ATRNL1: variants seen among roughly 807,000 people sequenced by gnomAD.
ATRNL1 encodes the protein attractin like 1.
A neutral mutation model predicts 182.7 loss-of-function variants in ATRNL1; 95 were observed. That is an observed-to-expected ratio of 0.52 (90% CI 0.44 to 0.62). ATRNL1 has a LOEUF of 0.62. ATRNL1 is among the 20% of genes least tolerant of loss of function. The pLI is 0.00. For synonymous variants in ATRNL1, 576 were observed against 568.3 expected (o/e 1.01, Z -0.19); for missense variants, 1,471 against 1,679.5 (o/e 0.88, Z 2.17).
intron 26 of ATRNL1, among the ~76,000 whole-genome samples, chr10:115,558,197 A>G (rs1258382392): frequency 6.6e-6 from 1 of 152,182 alleles, no homozygotes; most frequent in African/African-American, 2.4e-5. Flanking sequence ...CAAAGTATTG[A>G]ACAAAATGCA....
chr10:115,481,902 T>C (rs1359106504), intron 24 of ATRNL1, among the ~76,000 whole-genome samples: 1 of 150,972 alleles, frequency 6.6e-6, no homozygotes, highest in Non-Finnish European at 1.5e-5. Context: ...GTTAAGAACT[T>C]CTACTTCAGA....
chr10:115,737,974 A>G (rs1402156190), intron 27 of ATRNL1, among the ~76,000 whole-genome samples: 1 of 151,968 alleles, frequency 6.6e-6, no homozygotes, highest in African/African-American at 2.4e-5. Context: ...CAGAGTTTCT[A>G]TAGGACCCAA....
At chr10:115,770,852 A>G (rs1423701393) in intron 27 of ATRNL1, among the ~76,000 whole-genome samples, 2 of 152,196 alleles carry the variant, frequency 1.3e-5, no homozygotes, top group African/African-American at 4.8e-5. Flanking sequence ...AGATTTTCTC[A>G]TTATACCTAC....
intron 26 of ATRNL1, among the ~76,000 whole-genome samples, chr10:115,560,656 G>A (rs1853647955): frequency 6.6e-6 from 1 of 151,530 alleles, no homozygotes; most frequent in Admixed American, 6.6e-5. Context: ...TGTAGAAATT[G>A]ACAAGTAGAT....
At chr10:115,577,357 A>G (rs1854779103) in intron 26 of ATRNL1, among the ~76,000 whole-genome samples, 1 of 151,880 alleles carries the variant, frequency 6.6e-6, no homozygotes, top group South Asian at 2.1e-4. Flanking sequence ...CAATCCATTA[A>G]CACAGAACTT....
intron 26 of ATRNL1, among the ~76,000 whole-genome samples, chr10:115,587,764 CG>C (rs1855644610): frequency 6.6e-6 from 1 of 152,116 alleles, no homozygotes; most frequent in Admixed American, 6.5e-5. Flanking sequence ...TGTTCCTATT[CG>C]GCCATCTTGG....
At chr10:115,158,757 C>G (rs942168148) in intron 5 of ATRNL1, among the ~76,000 whole-genome samples, 2 of 151,804 alleles carry the variant, frequency 1.3e-5, no homozygotes, top group Non-Finnish European at 2.9e-5. Flanking sequence ...CAATCTAAAA[C>G]TTTTTGATAT....
chr10:115,146,841 A>G (rs1554879492), intron 5 of ATRNL1, among the ~76,000 whole-genome samples: 4 of 146,750 alleles, frequency 2.7e-5, no homozygotes, highest in Admixed American at 6.8e-5. Flanking sequence ...TCCATTATGT[A>G]TATACACTAT....
intron 15 of ATRNL1, among the ~76,000 whole-genome samples, chr10:115,291,976 AGCCATCTGGTCCTGGACTTTTCTTTGTT>A (rs1852936515): frequency 7.1e-6 from 1 of 141,374 alleles, no homozygotes; most frequent in Non-Finnish European, 1.6e-5. Context: ...TCAGCAGTGA[AGCCATCTGGTCCTGGACTTTTCTTTGTT>A]GTGAGACTTT....
intron 17 of ATRNL1, among the ~76,000 whole-genome samples, chr10:115,313,205 A>G (rs913154607): frequency 1.6e-4 from 24 of 151,418 alleles, no homozygotes; most frequent in Non-Finnish European, 3.4e-4. Flanking sequence ...ATAAAACCCT[A>G]TTTTTTCATA....
intron 27 of ATRNL1, among the ~76,000 whole-genome samples, chr10:115,768,174 C>A (rs1178612237): frequency 2.6e-5 from 4 of 152,102 alleles, no homozygotes; most frequent in African/African-American, 9.7e-5. Context: ...ATTGCTGAAT[C>A]TCTTAACCTC....
intron 27 of ATRNL1, among the ~76,000 whole-genome samples, chr10:115,787,775 T>C (rs1447390526): frequency 2.0e-5 from 3 of 152,152 alleles, no homozygotes; most frequent in Non-Finnish European, 2.9e-5. Flanking sequence ...AAAAGGACCT[T>C]TGCACATGTG....
intron 21 of ATRNL1, among the ~76,000 whole-genome samples, chr10:115,445,469 T>C (rs1352740395): frequency 1.4e-5 from 2 of 142,498 alleles, no homozygotes; most frequent in Non-Finnish European, 3.0e-5. Flanking sequence ...AGCCTTGGCA[T>C]GTTGCCTAAT....
intron 14 of ATRNL1, among the ~76,000 whole-genome samples, chr10:115,284,621 G>A (rs537667221): frequency 6.6e-6 from 1 of 152,106 alleles, no homozygotes; most frequent in Non-Finnish European, 1.5e-5. Flanking sequence ...AGATGCTTTC[G>A]AGTGGGTCCA....
At chr10:115,830,411 A>G (rs10787605) in intron 27 of ATRNL1, among the ~76,000 whole-genome samples, 73,226 of 151,910 alleles carry the variant, frequency 0.48, 18,986 homozygotes, top group East Asian at 0.76. Context: ...TGGCATGGCT[A>G]CAGTATCTTG....
At chr10:115,102,089 A>G (rs1224287735) in intron 1 of ATRNL1, among the ~76,000 whole-genome samples, 1 of 152,112 alleles carries the variant, frequency 6.6e-6, no homozygotes, top group African/African-American at 2.4e-5. Flanking sequence ...TTTACCACTT[A>G]TTGAGAGAAG....
chr10:115,656,169 T>C (rs782152688), intron 26 of ATRNL1, among the ~76,000 whole-genome samples: 236 of 152,322 alleles, frequency 1.5e-3, no homozygotes, highest in Middle Eastern at 3.4e-3. Flanking sequence ...CTGAATTACA[T>C]GTCATTAAAA....
intron 27 of ATRNL1, chr10:115,819,946 C>T (rs1233974833): frequency 6.6e-6 from 1 of 151,374 alleles, no homozygotes; most frequent in Non-Finnish European, 1.5e-5. Flanking sequence ...AGGAATAGGA[C>T]TAGGTGGGAG....
At chr10:115,456,616 C>A (rs1252349517) in intron 21 of ATRNL1, among the ~76,000 whole-genome samples, 3 of 152,008 alleles carry the variant, frequency 2.0e-5, no homozygotes, top group Non-Finnish European at 4.4e-5. Flanking sequence ...ACATGTATCC[C>A]AGAACTTAAA....
Sources: allele counts gnomAD v4.1 joint callset (sites outside exome capture counted in the v4.1 genomes callset), GRCh38; gene constraint gnomAD v4.1.1; transcripts MANE v1.5; gene names NCBI Gene and HGNC (gene_info 2026-07-23, HGNC 2026-07-21).